Variants in DGLUCY observed in about 807,000 individuals in gnomAD.
DGLUCY encodes D-glutamate cyclase, also known as D-glutamate cyclase, mitochondrial.
Under a neutral mutation model 58.5 loss-of-function variants are expected in DGLUCY, and 58 were observed. The observed-to-expected ratio is 0.99, with a 90% CI of 0.80 to 1.23. DGLUCY has a LOEUF of 1.23. Among genes scored for constraint, DGLUCY ranks in the 50% most tolerant of loss-of-function variants. The pLI is 0.00. For missense variants in DGLUCY, 779 were observed against 784.7 expected (o/e 0.99, Z 0.09); for synonymous variants, 325 against 314.1 (o/e 1.03, Z -0.37).
At chr14:91,072,364 A>T (rs139218237) in intron 1 of DGLUCY, among the ~76,000 whole-genome samples, 3 of 152,174 alleles carry the variant, frequency 2.0e-5, no homozygotes, top group African/African-American at 7.2e-5. Context: ...AGCTTTTTAA[A>T]ACAGACACGA....
chr14:91,128,261 C>T (rs2045831232), intron 1 of DGLUCY, among the ~76,000 whole-genome samples: 1 of 148,094 alleles, frequency 6.8e-6, no homozygotes, highest in Non-Finnish European at 1.5e-5. Context: ...CTGCTTGAGC[C>T]GAGGAGTTCA....
At chr14:91,108,701 C>T (rs2044644797) in intron 1 of DGLUCY, among the ~76,000 whole-genome samples, 1 of 152,014 alleles carries the variant, frequency 6.6e-6, no homozygotes. Flanking sequence ...CCATGCCCGG[C>T]TAATTTTTGT....
intron 12 of DGLUCY, among the ~76,000 whole-genome samples, chr14:91,206,579 C>T (rs921086441): frequency 1.3e-5 from 2 of 151,976 alleles, no homozygotes; most frequent in African/African-American, 4.8e-5. Flanking sequence ...GACGGGGTTT[C>T]GCCATGTTGA....
rs1566980407 is a variant in DGLUCY at position 91,170,172 on chromosome 14, G to C, written c.427G>C (p.Ala143Pro). 6.2e-7 allele frequency: 1 copy of C among 1,613,810 alleles called. No homozygotes were observed. Among genetic ancestry groups the C allele is most frequent in the Non-Finnish European group, 8.5e-7 (1 of 1,180,004 alleles). ...AGCGGGGCTCCCCAGAAGAGACCCA[G>C]CAGGTCACAGCCAGGCGGGTGCATA... ...EKAGLPRRDPAGHSQAGAYKT... is the reference protein window; with the variant it reads ...EKAGLPRRDPPGHSQAGAYKT... Residue 143 changes from alanine to proline, a missense_variant, in exon 5 of 14, where the codon GCA becomes CCA. Coordinates refer to ENST00000256324, the MANE Select transcript of DGLUCY (RefSeq NM_001102368.3).
intron 10 of DGLUCY, among the ~76,000 whole-genome samples, chr14:91,197,534 A>G (rs1269999871): frequency 6.6e-6 from 1 of 152,208 alleles, no homozygotes; most frequent in Non-Finnish European, 1.5e-5. Context: ...TGCTCCATTC[A>G]AAGATAATTC....
intron 13 of DGLUCY, among the ~76,000 whole-genome samples, chr14:91,219,961 G>A (rs1234784498): frequency 6.6e-6 from 1 of 152,326 alleles, no homozygotes; most frequent in Admixed American, 6.5e-5. Context: ...GAGGCCTCGG[G>A]AAGCCCCCTC....
At chr14:91,218,404 A>ATTTT (rs35615811) in intron 13 of DGLUCY, among the ~76,000 whole-genome samples, 2 of 145,988 alleles carry the variant, frequency 1.4e-5, no homozygotes, top group African/African-American at 2.5e-5. Flanking sequence ...TAAAATGGGG[A>ATTTT]TTTTTTTTTT....
intron 1 of DGLUCY, among the ~76,000 whole-genome samples, chr14:91,121,609 A>AAATAATAAT (rs55743510): frequency 2.5e-3 from 359 of 142,792 alleles, no homozygotes; most frequent in African/African-American, 6.8e-3. Context: ...TCCATCTCAA[A>AAATAATAAT]AATAATAATA....
At chr14:91,074,116 T>TACACACACACAC (rs1280375718) in intron 1 of DGLUCY, among the ~76,000 whole-genome samples, 903 of 77,412 alleles carry the variant, frequency 0.012, 19 homozygotes, top group Non-Finnish European at 0.015. Context: ...TATATATATA[T>TACACACACACAC]ATACACACAC....
chr14:91,193,521 C>T (rs969050095), intron 9 of DGLUCY, among the ~76,000 whole-genome samples: 4 of 152,098 alleles, frequency 2.6e-5, no homozygotes, highest in African/African-American at 4.8e-5. Context: ...ATTTCAGCTC[C>T]GTTTTTAATA....
chr14:91,137,383 ATTTCT>A (rs1395949760), intron 1 of DGLUCY, among the ~76,000 whole-genome samples: 37 of 150,426 alleles, frequency 2.5e-4, no homozygotes, highest in African/African-American at 8.5e-4. Context: ...AAGGTAGAGA[ATTTCT>A]TTTCTTTTTT....
intron 1 of DGLUCY, among the ~76,000 whole-genome samples, chr14:91,085,269 C>T (rs562972053): frequency 1.8e-4 from 28 of 151,934 alleles, no homozygotes; most frequent in African/African-American, 5.5e-4. Flanking sequence ...TTGCTCTCTC[C>T]GCTAAACAAG....
chr14:91,176,722 C>T (rs2048875663), intron 7 of DGLUCY, among the ~76,000 whole-genome samples: 1 of 152,164 alleles, frequency 6.6e-6, no homozygotes, highest in African/African-American at 2.4e-5. Flanking sequence ...GTGCCTCAGC[C>T]TCCCAAGTAG....
chr14:91,188,563 C>T (rs1175208199), intron 8 of DGLUCY, among the ~76,000 whole-genome samples: 3 of 152,174 alleles, frequency 2.0e-5, no homozygotes, highest in African/African-American at 4.8e-5. Flanking sequence ...TGGTGGCTCA[C>T]GCCTGTAATC....
At chr14:91,165,519 C>G (rs1278094282) in intron 3 of DGLUCY, among the ~76,000 whole-genome samples, 3 of 152,160 alleles carry the variant, frequency 2.0e-5, no homozygotes, top group African/African-American at 7.2e-5. Context: ...GAGGCTACAG[C>G]ATGTAATAGG....
At chr14:91,118,334 A>G (rs574154456) in intron 1 of DGLUCY, among the ~76,000 whole-genome samples, 7 of 152,004 alleles carry the variant, frequency 4.6e-5, no homozygotes, top group African/African-American at 1.7e-4. Context: ...CCTCCAAGTG[A>G]TCCACCTGCC....
At chr14:91,071,252 G>A (rs891341416) in intron 1 of DGLUCY, among the ~76,000 whole-genome samples, 1 of 150,520 alleles carries the variant, frequency 6.6e-6, no homozygotes, top group African/African-American at 2.4e-5. Context: ...CAGGAGAATG[G>A]TGTGAACTCA....
chr14:91,132,039 C>A (rs2046052582), intron 1 of DGLUCY, among the ~76,000 whole-genome samples: 1 of 152,140 alleles, frequency 6.6e-6, no homozygotes, highest in Admixed American at 6.5e-5. Context: ...GTGATCTGCC[C>A]ACCTTGGCCT....
intron 1 of DGLUCY, among the ~76,000 whole-genome samples, chr14:91,122,602 G>GTTTGT: frequency 9.5e-6 from 1 of 104,792 alleles, no homozygotes; most frequent in East Asian, 3.1e-4. Context: ...AAAGAAAAAA[G>GTTTGT]TTTTTTTTTT....
Sources: gnomAD v4.1 joint callset for allele counts (sites outside exome capture counted in the v4.1 genomes callset) on GRCh38, gnomAD v4.1.1 for gene constraint, MANE v1.5 for transcripts, NCBI Gene and HGNC (gene_info 2026-07-23, HGNC 2026-07-21) for gene names.